The following RCOR3 variants were observed in gnomAD, a reference collection of about 807,000 sequenced individuals.
RCOR3 encodes the protein REST corepressor 3.
In RCOR3, 13 loss-of-function variants were observed where a neutral mutation model predicts 64.1. The observed-to-expected ratio is 0.20, with a 90% CI of 0.13 to 0.32. The LOEUF is 0.32. Among genes scored for constraint, RCOR3 ranks in the 10% least tolerant of loss-of-function variants. RCOR3 has a pLI of 1.00. For missense variants in RCOR3, 489 were observed against 701.2 expected, an observed-to-expected ratio of 0.70 and a Z score of 3.42; for synonymous variants, 215 against 239.0, an observed-to-expected ratio of 0.90 and a Z score of 0.93.
intron 5 of RCOR3, among the ~76,000 whole-genome samples, chr1:211,276,790 A>T (rs571753882): frequency 2.2e-4 from 34 of 152,278 alleles, no homozygotes; most frequent in African/African-American, 7.5e-4. Context: ...AGCCCTTTTT[A>T]AAAAATCCCA....
chr1:211,281,630 ACAG>A (rs1697825062), intron 7 of RCOR3, among the ~76,000 whole-genome samples: 1 of 152,102 alleles, frequency 6.6e-6, no homozygotes, highest in Non-Finnish European at 1.5e-5. Context: ...CAGATTACTA[ACAG>A]TGTTTTAGAT....
chr1:211,259,767 C>T (rs556231743), intron 1 of RCOR3, 41 bp downstream of exon 1: 150 of 1,398,044 alleles, frequency 1.1e-4, no homozygotes, highest in Non-Finnish European at 1.4e-4. Flanking sequence ...CGCCTGCCCC[C>T]CTCCCTCTTC....
chr1:211,313,225 T>C lies in RCOR3; in HGVS notation c.1318-199T>C. ...AGCTGTTTACAAATAAAGATGCCTG[T>C]TTGGTAGCCTCATTGGTTTTTGGTT... On this transcript the variant is annotated intron_variant, in intron 11 of 11. Coordinates refer to ENST00000419091, the MANE Select transcript of RCOR3 (RefSeq NM_001136223.3). The surrounding 1 kb of genome is among the most constrained non-coding windows in gnomAD (Gnocchi z 4.7). 1 of 1,431,282 alleles carries C rather than the reference T, an allele frequency of 7.0e-7. No homozygotes were observed. Among genetic ancestry groups the C allele is most frequent in the Non-Finnish European group, 9.1e-7 (1 of 1,099,374 alleles). The allele number at this position is 1,431,282 out of a possible 1,614,324, so 88.7% of individuals were successfully genotyped here. A position where few individuals can be genotyped will look rare whatever the true frequency, so the allele number is the denominator to read the frequency against.
At chr1:211,283,604 A>C (rs78042475) in intron 7 of RCOR3, among the ~76,000 whole-genome samples, 3 of 152,070 alleles carry the variant, frequency 2.0e-5, no homozygotes, top group South Asian at 4.1e-4. Context: ...ATGTTTTTCT[A>C]TCTGTTTATT....
At chr1:211,297,642 T>C (rs1438293724) in intron 9 of RCOR3, among the ~76,000 whole-genome samples, 3 of 152,186 alleles carry the variant, frequency 2.0e-5, no homozygotes, top group African/African-American at 7.2e-5. Context: ...CACTCCACCA[T>C]CCATATACTG....
At chr1:211,262,282 G>C (rs572610848) in intron 2 of RCOR3, among the ~76,000 whole-genome samples, 1 of 151,976 alleles carries the variant, frequency 6.6e-6, no homozygotes, top group Non-Finnish European at 1.5e-5. Flanking sequence ...GTGATCTGCT[G>C]CCTCGACCTC....
intron 9 of RCOR3, chr1:211,302,995 A>G (rs1700531701): frequency 6.6e-6 from 1 of 151,690 alleles, no homozygotes; most frequent in Non-Finnish European, 1.5e-5. Context: ...TGTCTCTCAT[A>G]GTTTTTGTCC....
intron 4 of RCOR3, 84 bp downstream of exon 4, chr1:211,274,346 A>G (rs1571843681): frequency 1.1e-6 from 1 of 934,918 alleles, no homozygotes; most frequent in African/African-American, 1.6e-5. Flanking sequence ...CTGTCCTAAC[A>G]GCGTGCATAA....
At chr1:211,259,906 G>A (rs1342904383) in intron 1 of RCOR3, 180 bp downstream of exon 1, 3 of 745,934 alleles carry the variant, frequency 4.0e-6, no homozygotes, top group Non-Finnish European at 5.5e-6. Flanking sequence ...CTCCGCCCTC[G>A]ACCAATCCTC....
rs542132106 is a variant in RCOR3 at position 211,261,765 on chromosome 1, C to CA, written c.223+1607dup. Among the ~76,000 whole-genome samples, 522 of 151,574 alleles carry CA rather than the reference C, an allele frequency of 3.4e-3. 7 individuals carry two copies. Among genetic ancestry groups the CA allele is most frequent in the South Asian group, 0.024 (115 of 4,798 alleles). On this transcript the variant is annotated intron_variant, in intron 2 of 11. Coordinates refer to ENST00000419091, the MANE Select transcript of RCOR3 (RefSeq NM_001136223.3). ...TGAAACCCCGTCTCTACTAAAAATACAAAAAATTAGCCGATCGTGGTGGCA... is the reference window on the plus strand; with the variant it reads ...TGAAACCCCGTCTCTACTAAAAATACAAAAAAATTAGCCGATCGTGGTGGCA...
At chr1:211,297,750 A>G (rs1193291308) in intron 9 of RCOR3, among the ~76,000 whole-genome samples, 1 of 152,198 alleles carries the variant, frequency 6.6e-6, no homozygotes. Context: ...ATATACTTAT[A>G]TTTGTCATAT....
rs932934878 is a variant in RCOR3, at chr1:211,263,882, G to A, written c.223+3718G>A. 2.6e-5 allele frequency among the ~76,000 whole-genome samples: 4 copies of A among 151,776 alleles called. 1 individual carries two copies. The highest frequency in any genetic ancestry group is 2.6e-4 in the Admixed American group (4 of 15,236). ...GTCCCCCAGGCTGGAGTGCAGTGGT[G>A]CGATCTTGGCTCACTGCAACCTCCA... On this transcript the variant is annotated intron_variant, in intron 2 of 11. Transcript: ENST00000419091.
At chr1:211,304,322 T>C (rs1024449519) in intron 10 of RCOR3, among the ~76,000 whole-genome samples, 182 bp downstream of exon 10, 5 of 152,230 alleles carry the variant, frequency 3.3e-5, no homozygotes, top group Admixed American at 6.5e-5. Context: ...CAAGTCTATG[T>C]GCATTTTGAG....
In RCOR3 at chr1:211,313,822, C is replaced by T; in HGVS notation, c.*54C>T. On this transcript the variant is annotated 3_prime_UTR_variant, in exon 12 of 12. Transcript: ENST00000419091. This position sits in a 1 kb window ranked among gnomAD's most constrained non-coding sequence, Gnocchi z 4.7. ...TTTTCACCCCATCATTATACCAGTG[C>T]TCATCTGACTGATGAAAAAGAGGAA... The T allele has an allele frequency of 3.6e-6, 5 of 1,408,318 alleles. No homozygotes were observed. Among genetic ancestry groups the T allele is most frequent in the Non-Finnish European group, 4.9e-6 (5 of 1,011,596 alleles). 87.2% of individuals were successfully genotyped at this position (1,408,318 alleles called of 1,614,324 possible).
Position 211,271,268 on chromosome 1 carries a change from T to C in RCOR3, c.260T>C (p.Met87Thr). The C allele has an allele frequency of 1.2e-6, 2 of 1,613,926 alleles. No individual in the cohort carries two copies. Among genetic ancestry groups the C allele is most frequent in the Non-Finnish European group, 1.7e-6 (2 of 1,179,890 alleles). ...TACACAGATAAAGACAATGGAGGGA[T>C]GCTTGTATGGTCTCCATATCACAGT... ...TKYTDKDNGGMLVWSPYHSIP... is the reference protein window; with the variant it reads ...TKYTDKDNGGTLVWSPYHSIP... The change falls in exon 3 of 12, where the codon ATG (methionine) becomes ACG (threonine). Residue 87 changes from methionine (M) to threonine (T), a missense_variant. Transcript: ENST00000419091.
At chr1:211,278,824 T>C (rs1697369262) in intron 6 of RCOR3, among the ~76,000 whole-genome samples, 1 of 152,124 alleles carries the variant, frequency 6.6e-6, no homozygotes, top group African/African-American at 2.4e-5. Flanking sequence ...TCTTATTCTG[T>C]TAAATAATAT....
At chr1:211,298,848 T>C (rs2102619940) in intron 9 of RCOR3, among the ~76,000 whole-genome samples, 1 of 151,428 alleles carries the variant, frequency 6.6e-6, no homozygotes, top group African/African-American at 2.4e-5. Context: ...CTACTAAAAA[T>C]ACAAAAAAAT....
In RCOR3 at chr1:211,289,093, A is replaced by G. The variant is rs989054975; in HGVS notation, c.721-85A>G. ...TTTTTTTATGTGTACTTATTGCAGC[A>G]GATACTTCTAATATTAATAGACTGT... On this transcript the variant is annotated intron_variant, in intron 7 of 11. Coordinates refer to ENST00000419091, the MANE Select transcript of RCOR3 (RefSeq NM_001136223.3). The G allele has an allele frequency of 3.0e-6, 3 of 997,580 alleles. No homozygotes were observed. In the African/African-American group the frequency reaches 4.8e-5, roughly 16 times the overall value. The allele number at this position is 997,580 out of a possible 1,614,324, so 61.8% of individuals were successfully genotyped here. A position where few individuals can be genotyped will look rare whatever the true frequency, so the allele number is the denominator to read the frequency against.
At chr1:211,265,937 A>G (rs911772244) in intron 2 of RCOR3, among the ~76,000 whole-genome samples, 1 of 152,144 alleles carries the variant, frequency 6.6e-6, no homozygotes, top group African/African-American at 2.4e-5. Flanking sequence ...AAGATTTGGA[A>G]TACATGAGAG....
Sources: allele counts gnomAD v4.1 joint callset (sites outside exome capture counted in the v4.1 genomes callset), GRCh38; gene constraint gnomAD v4.1.1; non-coding constraint Gnocchi (gnomAD v3.1); transcripts MANE v1.5; gene names NCBI Gene and HGNC (gene_info 2026-07-23, HGNC 2026-07-21).